The following HDLBP variants were observed in gnomAD, a reference collection of about 807,000 sequenced individuals.
HDLBP encodes the protein vigilin.
Under a neutral mutation model 137.3 loss-of-function variants are expected in HDLBP, and 30 were observed. That is an observed-to-expected ratio of 0.22 (90% CI 0.16 to 0.30). The LOEUF (loss-of-function observed/expected upper bound fraction) is 0.30, where lower values mean the gene tolerates loss of function less well. Ranked by LOEUF, HDLBP falls within the 10% of genes least tolerant of loss-of-function variation. The pLI is 1.00. For synonymous variants in HDLBP, 606 were observed against 596.0 expected, an observed-to-expected ratio of 1.02 and a Z score of -0.24; for missense variants, 1,119 against 1,667.3, an observed-to-expected ratio of 0.67 and a Z score of 5.73.
At chr2:241,246,593 A>G in intron 16 of HDLBP, 159 bp downstream of exon 16, 1 of 695,710 alleles carries the variant, frequency 1.4e-6, no homozygotes, top group Non-Finnish European at 2.4e-6. Flanking sequence ...AAGGCAGAAA[A>G]CTGCTGACCA....
intron 1 of HDLBP, among the ~76,000 whole-genome samples, chr2:241,306,508 C>T (rs1369509881): frequency 6.6e-6 from 1 of 152,120 alleles, no homozygotes; most frequent in Non-Finnish European, 1.5e-5. Flanking sequence ...ATCTGCCCGC[C>T]TCAGCCTCCC....
intron 1 of HDLBP, among the ~76,000 whole-genome samples, chr2:241,295,588 A>G (rs936639118): frequency 6.6e-6 from 1 of 152,180 alleles, no homozygotes; most frequent in East Asian, 1.9e-4. Context: ...TACACCCCCA[A>G]TCACACTCCA....
At chr2:241,249,706 A>C in intron 12 of HDLBP, 135 bp downstream of exon 12, 1 of 821,150 alleles carries the variant, frequency 1.2e-6, no homozygotes, top group Non-Finnish European at 1.9e-6. Flanking sequence ...CAGGGAGTCC[A>C]ATCCGGTTCC....
At chr2:241,265,576 A>G (rs999813161) in intron 3 of HDLBP, among the ~76,000 whole-genome samples, 3 of 152,240 alleles carry the variant, frequency 2.0e-5, no homozygotes, top group Non-Finnish European at 2.9e-5. Context: ...CATTAGCCAC[A>G]ATCTCCATGA....
chr2:241,245,187 CTTTTTTT>C (rs72269646), intron 16 of HDLBP, among the ~76,000 whole-genome samples: 5,048 of 143,246 alleles, frequency 0.035, 515 homozygotes, highest in Admixed American at 0.2. Flanking sequence ...AATCTTTTTT[CTTTTTTT>C]TTTTTTTGAG....
At chr2:241,271,686 C>T (rs1574989620) in intron 1 of HDLBP, among the ~76,000 whole-genome samples, 1 of 152,314 alleles carries the variant, frequency 6.6e-6, no homozygotes, top group South Asian at 2.1e-4. Context: ...TTAATGAGAC[C>T]CGCAAGTGCT....
At position 241,300,939 on chromosome 2, in the gene HDLBP, A is replaced by G. The variant is rs184345148; in HGVS notation, c.-103+14631T>C. Among the ~76,000 whole-genome samples the G allele has an allele frequency of 2.2e-4, 33 of 149,032 alleles. No homozygotes were observed. In the East Asian group the frequency reaches 5.9e-3, roughly 26 times the overall value. On this transcript the variant is annotated intron_variant, in intron 1 of 27. Coordinates refer to ENST00000310931, the MANE Select transcript of HDLBP (RefSeq NM_005336.6). ...GTATTCTTCAAAGTGAACTGATTTC[A>G]TGCACACATACTATTATTATTATTA...
intron 24 of HDLBP, among the ~76,000 whole-genome samples, chr2:241,232,003 T>C (rs1030406750): frequency 1.3e-5 from 2 of 151,902 alleles, no homozygotes; most frequent in East Asian, 3.9e-4. Flanking sequence ...GGAAAGGAAA[T>C]GAGCAGAAAG....
At position 241,229,544 on chromosome 2, in the gene HDLBP, C is replaced by T; in HGVS notation, c.*57G>A. On this transcript the variant is annotated 3_prime_UTR_variant, in exon 28 of 28. Transcript: ENST00000310931. ...GCCGCTGGGTCAGATTGAGACAAAC[C>T]ATTGTGTGGTTGGGTTTGGGTCAGC... 1 of 1,286,372 alleles carries T rather than the reference C, an allele frequency of 7.8e-7. No homozygotes were observed. The highest frequency in any genetic ancestry group is 1.1e-6 in the Non-Finnish European group (1 of 889,256). 79.7% of individuals were successfully genotyped at this position (1,286,372 alleles called of 1,614,324 possible). A position where few individuals can be genotyped will look rare whatever the true frequency, so the allele number is the denominator to read the frequency against.
intron 1 of HDLBP, among the ~76,000 whole-genome samples, chr2:241,314,757 C>T (rs1402599494): frequency 2.6e-5 from 4 of 152,152 alleles, no homozygotes; most frequent in Admixed American, 2.6e-4. Context: ...AGGAGCTACG[C>T]ACAAAAATAC....
Position 241,242,659 on chromosome 2 carries a change from T to C in HDLBP, c.1970A>G (p.Glu657Gly), listed in dbSNP as rs2071358451. Residue 657 changes from glutamate to glycine, a missense_variant, in exon 17 of 28, where the codon GAG (glutamate) becomes GGG (glycine). By Grantham distance (98) the Glu-to-Gly change is moderately conservative. Coordinates refer to ENST00000310931, the MANE Select transcript of HDLBP (RefSeq NM_005336.6). ...GTGCAGCTTGGCAGGGATGGAGACC[T>C]CTACCTCGGCTATGTTGGCCTGAAA... is the stretch of plus-strand genomic sequence containing the variant. The part of the protein sequence containing the change: ...QKDLANIAEV[E>G]VSIPAKLHNS... 6.2e-7 allele frequency: 1 copy of C among 1,613,862 alleles called. No individual in the cohort carries two copies. The highest frequency in any genetic ancestry group is 8.5e-7 in the Non-Finnish European group (1 of 1,179,888).
chr2:241,313,910 C>A (rs1038270051), intron 1 of HDLBP, among the ~76,000 whole-genome samples: 1 of 152,128 alleles, frequency 6.6e-6, no homozygotes, highest in Admixed American at 6.5e-5. Flanking sequence ...ACCCGAATGA[C>A]GTTAATTTGA....
At position 241,246,958 on chromosome 2, in the gene HDLBP, A is replaced by G. The variant is rs2071728506; in HGVS notation, c.1819-75T>C. 28 of 1,586,674 alleles carry G rather than the reference A, an allele frequency of 1.8e-5. No homozygotes were observed. The South Asian group carries it at 3.0e-4, about 17-fold the overall frequency. On this transcript the variant is annotated intron_variant, in intron 15 of 27. Transcript: ENST00000310931. ...TTGAGACACAGTTGAGCACAGGGCT[A>G]GAAGTAAGGAAGAGTCCCTCCTAGT...
At chr2:241,266,635 C>T (rs772608371) in intron 3 of HDLBP, 159 bp downstream of exon 3, 3 of 615,172 alleles carry the variant, frequency 4.9e-6, no homozygotes, top group Non-Finnish European at 8.8e-6. Flanking sequence ...CCCCTGCACG[C>T]ACAGCAATGC....
chr2:241,284,274 ACCT>A (rs1463916502), intron 1 of HDLBP, among the ~76,000 whole-genome samples: 7 of 152,044 alleles, frequency 4.6e-5, no homozygotes, highest in African/African-American at 1.7e-4. Flanking sequence ...TCCATTGAAA[ACCT>A]CCTGTAAAGG....
Position 241,229,191 on chromosome 2 carries a change from G to A in HDLBP, c.*410C>T. The A allele has an allele frequency of 5.0e-6, 1 of 201,664 alleles. No homozygotes were observed. Among genetic ancestry groups the A allele is most frequent in the Non-Finnish European group, 1.0e-5 (1 of 97,156 alleles). The allele number at this position is 201,664 out of a possible 1,614,324, so 12.5% of individuals were successfully genotyped here. A position where few individuals can be genotyped will look rare whatever the true frequency, so the allele number is the denominator to read the frequency against. On this transcript the variant is annotated 3_prime_UTR_variant, in exon 28 of 28. Transcript: ENST00000310931. ...CAAGGGAAACTGGCAGGAGGGAGGT[G>A]GGAAAGGAAGAGGGCAAACGTTTGG...
At chr2:241,256,935 A>T (rs2072666053) in intron 5 of HDLBP, 129 bp from the exon 6 acceptor site, 1 of 760,180 alleles carries the variant, frequency 1.3e-6, no homozygotes, top group Non-Finnish European at 2.2e-6. Context: ...CTCATCCATT[A>T]AAACAGCATG....
intron 11 of HDLBP, 69 bp from the exon 12 acceptor site, chr2:241,250,049 C>G: frequency 6.8e-7 from 1 of 1,469,874 alleles, no homozygotes; most frequent in Non-Finnish European, 9.2e-7. Context: ...CATAACTGGG[C>G]AGGACAGCGC....
At chr2:241,265,999 ATT>A (rs1171814073) in intron 3 of HDLBP, among the ~76,000 whole-genome samples, 1 of 152,198 alleles carries the variant, frequency 6.6e-6, no homozygotes, top group Non-Finnish European at 1.5e-5. Context: ...ATTTTAATTA[ATT>A]TTAAGAACTA....
Sources: gnomAD v4.1 joint callset for allele counts (sites outside exome capture counted in the v4.1 genomes callset) on GRCh38, gnomAD v4.1.1 for gene constraint, MANE v1.5 for transcripts, NCBI Gene and HGNC (gene_info 2026-07-23, HGNC 2026-07-21) for gene names.